The following ACTR3 variants were observed in gnomAD, a reference collection of about 807,000 sequenced individuals.
ACTR3 encodes the protein actin-related protein 3.
Under a neutral mutation model 56.8 loss-of-function variants are expected in ACTR3, and 12 were observed. The ratio of observed to expected loss-of-function variants is 0.21; its 90% CI spans 0.14 to 0.34. The LOEUF is 0.34. Among genes scored for constraint, ACTR3 ranks in the 10% least tolerant of loss-of-function variants. ACTR3 has a pLI of 1.00. For missense variants in ACTR3, 282 were observed against 512.5 expected (o/e 0.55, Z 4.34); for synonymous variants, 162 against 167.4 (o/e 0.97, Z 0.25).
chr2:113,932,157 A>C (rs893383269), intron 5 of ACTR3, among the ~76,000 whole-genome samples: 2 of 152,202 alleles, frequency 1.3e-5, no homozygotes, highest in African/African-American at 4.8e-5. Context: ...AGTGATAATT[A>C]TGGATGAATA....
At chr2:113,934,719 G>C (rs1679791764) in intron 6 of ACTR3, 1 of 167,810 alleles carries the variant, frequency 6.0e-6, no homozygotes, top group African/African-American at 2.4e-5. Flanking sequence ...TTTCAGACTG[G>C]TGTACAGGGT....
intron 8 of ACTR3, among the ~76,000 whole-genome samples, chr2:113,947,531 G>A (rs573216388): frequency 9.8e-5 from 15 of 152,332 alleles, no homozygotes; most frequent in African/African-American, 3.6e-4. Context: ...GCGTGTGCCT[G>A]TAGTTCCAGC....
At chr2:113,942,103 T>G in intron 7 of ACTR3, 83 bp from the exon 8 acceptor site, 24 of 1,102,296 alleles carry the variant, frequency 2.2e-5, no homozygotes, top group Non-Finnish European at 2.9e-5. Context: ...TTTATTGGAT[T>G]ATAGTTTACT....
intron 1 of ACTR3, chr2:113,890,685 C>T (rs552538169): frequency 3.6e-5 from 41 of 1,144,592 alleles, no homozygotes; most frequent in South Asian, 3.2e-4. Flanking sequence ...CTTTCCTTTC[C>T]CTCCGCGCCC....
At chr2:113,935,032 GA>G (rs910185114) in intron 6 of ACTR3, among the ~76,000 whole-genome samples, 1 of 150,152 alleles carries the variant, frequency 6.7e-6, no homozygotes, top group African/African-American at 2.4e-5. Flanking sequence ...ACATTATTTT[GA>G]ACTTTTTTTT....
chr2:113,912,252 A>G (rs1166867668), intron 1 of ACTR3, among the ~76,000 whole-genome samples: 1 of 152,106 alleles, frequency 6.6e-6, no homozygotes, highest in African/African-American at 2.4e-5. Flanking sequence ...TGTCACAGCA[A>G]TTACCTGTCT....
At chr2:113,955,587 T>C (rs1410958757) in intron 10 of ACTR3, 36 bp from the exon 11 acceptor site, 1 of 1,434,792 alleles carries the variant, frequency 7.0e-7, no homozygotes, top group East Asian at 2.3e-5. Context: ...TTATTTGAAT[T>C]TACTATGAAG....
At chr2:113,953,483 C>T (rs1001523175) in intron 10 of ACTR3, 18 of 152,270 alleles carry the variant, frequency 1.2e-4, no homozygotes, top group African/African-American at 4.3e-4. Flanking sequence ...TTGGGATGCT[C>T]ATCATGTATA....
At chr2:113,903,537 CTTTTT>C (rs377634915) in intron 1 of ACTR3, among the ~76,000 whole-genome samples, 4 of 135,284 alleles carry the variant, frequency 3.0e-5, no homozygotes, top group Non-Finnish European at 4.8e-5. Flanking sequence ...TGCTAATTGT[CTTTTT>C]TTTTTTTTTT....
intron 1 of ACTR3, among the ~76,000 whole-genome samples, chr2:113,903,922 T>A: frequency 6.6e-6 from 1 of 151,964 alleles, no homozygotes; most frequent in Admixed American, 6.6e-5. Flanking sequence ...AGTGGTTTGA[T>A]CTCAGCTCAC....
chr2:113,942,136 C>A, intron 7 of ACTR3, 50 bp from the exon 8 acceptor site: 1 of 1,384,228 alleles, frequency 7.2e-7, no homozygotes, highest in South Asian at 1.5e-5. Flanking sequence ...TTCTTCTTTA[C>A]TGTTCCTATA....
rs1680128371 is a variant in ACTR3 at position 113,951,964 on chromosome 2, A to G, written c.1077+119A>G. On this transcript the variant is annotated intron_variant, in intron 10 of 11. Transcript: ENST00000263238. ...TAAGAGGAACCTGTCAGGTATTCTAATGGAAATGGTTAATGTTATAGATTT... is the reference window on the plus strand; with the variant it reads ...TAAGAGGAACCTGTCAGGTATTCTAGTGGAAATGGTTAATGTTATAGATTT... 3 of 1,275,670 alleles carry G rather than the reference A, an allele frequency of 2.4e-6. No individual in the cohort carries two copies. The South Asian group carries it at 4.3e-5, about 18-fold the overall frequency. The allele number at this position is 1,275,670 out of a possible 1,614,324, so 79.0% of individuals were successfully genotyped here. A position where few individuals can be genotyped will look rare whatever the true frequency, so the allele number is the denominator to read the frequency against.
chr2:113,900,281 C>T (rs1338713834), intron 1 of ACTR3, among the ~76,000 whole-genome samples: 1 of 152,276 alleles, frequency 6.6e-6, no homozygotes, highest in Admixed American at 6.5e-5. Flanking sequence ...GTAGCAGTCA[C>T]TCTCCGTTAC....
At chr2:113,945,340 A>G (rs1387218084) in intron 8 of ACTR3, among the ~76,000 whole-genome samples, 1 of 151,934 alleles carries the variant, frequency 6.6e-6, no homozygotes, top group Non-Finnish European at 1.5e-5. Flanking sequence ...CTTGGTAGTA[A>G]CCCCCAGATT....
At chr2:113,900,914 T>C (rs750651331) in intron 1 of ACTR3, among the ~76,000 whole-genome samples, 27 of 152,162 alleles carry the variant, frequency 1.8e-4, no homozygotes, top group Non-Finnish European at 3.5e-4. Context: ...ATGAGAAAAA[T>C]GTTGGAGGGA....
intron 6 of ACTR3, among the ~76,000 whole-genome samples, chr2:113,938,057 G>A (rs1419265956): frequency 6.6e-6 from 1 of 151,604 alleles, no homozygotes; most frequent in Non-Finnish European, 1.5e-5. Flanking sequence ...TTTTTGGATA[G>A]TTTTTATTGC....
At chr2:113,914,938 T>A (rs1195314838) in intron 2 of ACTR3, among the ~76,000 whole-genome samples, 1 of 152,246 alleles carries the variant, frequency 6.6e-6, no homozygotes, top group Non-Finnish European at 1.5e-5. Context: ...CTACTGAACA[T>A]GAAGAATAGG....
chr2:113,962,320 G>A lies in ACTR3; in HGVS notation c.*4865G>A, dbSNP rs190844222. ...ATCACAGGCTCTAAATCAGATTGTT[G>A]TACAAGGTAATTGACATGTCCTGAA... On this transcript the variant is annotated 3_prime_UTR_variant, in exon 12 of 12. Coordinates refer to ENST00000263238, the MANE Select transcript of ACTR3 (RefSeq NM_005721.5). 1 of 151,966 alleles carries A rather than the reference G, an allele frequency of 6.6e-6. No homozygotes were observed. The highest frequency in any genetic ancestry group is 2.4e-5 in the African/African-American group (1 of 41,490). The allele number at this position is 151,966 out of a possible 1,614,324, so 9.4% of individuals were successfully genotyped here.
At chr2:113,951,918 A>G in intron 10 of ACTR3, 73 bp downstream of exon 10, 1 of 1,577,704 alleles carries the variant, frequency 6.3e-7, no homozygotes, top group Non-Finnish European at 8.7e-7. Flanking sequence ...ATTTGCCAGC[A>G]TTCACTCTGA....
Sources: gnomAD v4.1 joint callset for allele counts (sites outside exome capture counted in the v4.1 genomes callset) on GRCh38, gnomAD v4.1.1 for gene constraint, MANE v1.5 for transcripts, NCBI Gene and HGNC (gene_info 2026-07-23, HGNC 2026-07-21) for gene names.